STPG2: variants seen among roughly 807,000 people sequenced by gnomAD.
STPG2 encodes sperm tail PG-rich repeat containing 2, also known as sperm-tail PG-rich repeat-containing protein 2.
A neutral mutation model predicts 54.2 loss-of-function variants in STPG2; 56 were observed. The observed-to-expected ratio is 1.03, with a 90% CI of 0.83 to 1.29. The LOEUF is 1.29. STPG2 is among the 50% of genes most tolerant of loss of function. STPG2 has a pLI of 0.00. For missense variants in STPG2, 596 were observed against 544.9 expected (o/e 1.09, Z -0.93); for synonymous variants, 200 against 181.8 (o/e 1.10, Z -0.81).
At chr4:97,654,983 T>C (rs1418984084) in intron 10 of STPG2, among the ~76,000 whole-genome samples, 1 of 152,058 alleles carries the variant, frequency 6.6e-6, no homozygotes, top group Non-Finnish European at 1.5e-5. Context: ...GGCTAAAAAA[T>C]ACATTTTTAG....
chr4:98,091,016 C>T (rs1308832264), intron 5 of STPG2, among the ~76,000 whole-genome samples: 1 of 151,428 alleles, frequency 6.6e-6, no homozygotes, highest in Non-Finnish European at 1.5e-5. Context: ...CTTCTTATAT[C>T]CTCTCTGTCC....
At chr4:97,952,826 A>T (rs1458797639) in intron 7 of STPG2, among the ~76,000 whole-genome samples, 1 of 152,204 alleles carries the variant, frequency 6.6e-6, no homozygotes, top group African/African-American at 2.4e-5. Flanking sequence ...AGAATGATAC[A>T]GACAATAGTG....
At chr4:97,797,024 T>C (rs566780505) in intron 9 of STPG2, among the ~76,000 whole-genome samples, 1 of 152,336 alleles carries the variant, frequency 6.6e-6, no homozygotes, top group African/African-American at 2.4e-5. Context: ...TTGTGATTTT[T>C]GCACATTGAT....
intron 8 of STPG2, among the ~76,000 whole-genome samples, chr4:97,850,275 GA>G (rs1307570904): frequency 1.8e-5 from 1 of 54,882 alleles, no homozygotes; most frequent in African/African-American, 7.5e-5. Flanking sequence ...CTGTGGTGGG[GA>G]GGGGGGAGGG....
chr4:97,560,989 T>C (rs1459875744), intron 10 of STPG2, among the ~76,000 whole-genome samples: 2 of 152,188 alleles, frequency 1.3e-5, no homozygotes, highest in Non-Finnish European at 2.9e-5. Flanking sequence ...CCGGGTCAAA[T>C]GGTATTTCTA....
intron 10 of STPG2, among the ~76,000 whole-genome samples, chr4:97,654,186 T>C (rs1390999582): frequency 1.3e-5 from 2 of 152,236 alleles, no homozygotes; most frequent in South Asian, 2.1e-4. Context: ...ATCTACAGCA[T>C]TGGCTACATG....
chr4:97,871,799 G>A (rs570819080), intron 8 of STPG2, among the ~76,000 whole-genome samples: 1 of 150,840 alleles, frequency 6.6e-6, no homozygotes, highest in South Asian at 2.1e-4. Flanking sequence ...TTTCATAAAG[G>A]AAATATAATA....
At chr4:97,483,558 C>G (rs1216524919) in intron 4 of STPG2, among the ~76,000 whole-genome samples, 1 of 151,590 alleles carries the variant, frequency 6.6e-6, no homozygotes, top group Non-Finnish European at 1.5e-5. Flanking sequence ...TAAACTGGAG[C>G]TCCCAAATTT....
At chr4:97,641,694 GA>G (rs879709294) in intron 10 of STPG2, among the ~76,000 whole-genome samples, 5 of 147,548 alleles carry the variant, frequency 3.4e-5, no homozygotes, top group Admixed American at 6.7e-5. Flanking sequence ...GGAAAAAAAT[GA>G]AAAAAAAATT....
intron 4 of STPG2, among the ~76,000 whole-genome samples, chr4:97,500,333 C>T (rs1055160465): frequency 2.0e-5 from 3 of 151,836 alleles, no homozygotes; most frequent in African/African-American, 7.3e-5. Flanking sequence ...AAAATGTAGC[C>T]ATTAATTGAG....
intron 9 of STPG2, among the ~76,000 whole-genome samples, chr4:97,775,263 G>A (rs970408229): frequency 1.3e-5 from 2 of 152,118 alleles, no homozygotes; most frequent in African/African-American, 4.8e-5. Context: ...GGATGAAGGT[G>A]AAGAGAATAG....
intron 5 of STPG2, among the ~76,000 whole-genome samples, chr4:98,068,067 A>C (rs1737888369): frequency 6.6e-6 from 1 of 152,090 alleles, no homozygotes; most frequent in African/African-American, 2.4e-5. Flanking sequence ...GTAATTCATA[A>C]TCTTTTGTAT....
chr4:97,493,720 G>T (rs1049026494), intron 4 of STPG2, among the ~76,000 whole-genome samples: 1 of 151,416 alleles, frequency 6.6e-6, no homozygotes, highest in Non-Finnish European at 1.5e-5. Context: ...CATAAGAAAC[G>T]AGATGTACTA....
intron 9 of STPG2, among the ~76,000 whole-genome samples, chr4:97,770,318 T>C (rs1726180027): frequency 1.3e-5 from 2 of 152,172 alleles, no homozygotes; most frequent in African/African-American, 2.4e-5. Context: ...AAGGCTTCAC[T>C]GTAAGCTGAG....
At chr4:97,553,174 C>T (rs1438436221) in intron 4 of STPG2, among the ~76,000 whole-genome samples, 2 of 152,116 alleles carry the variant, frequency 1.3e-5, no homozygotes, top group Non-Finnish European at 2.9e-5. Flanking sequence ...TAGCAAGGAT[C>T]TGGGAGATAA....
intron 8 of STPG2, among the ~76,000 whole-genome samples, chr4:97,848,510 T>A (rs370687582): frequency 3.0e-4 from 45 of 150,488 alleles, no homozygotes; most frequent in African/African-American, 3.3e-4. Context: ...TATCATCAAG[T>A]ATTTATAGGT....
downstream of STPG2, among the ~76,000 whole-genome samples, chr4:97,554,865 A>T (rs1732043187): frequency 6.6e-6 from 1 of 152,142 alleles, no homozygotes; most frequent in African/African-American, 2.4e-5. Context: ...AGAATATGCC[A>T]CCCTAAAGTA....
At chr4:98,088,874 A>C (rs901371178) in intron 5 of STPG2, among the ~76,000 whole-genome samples, 8 of 152,126 alleles carry the variant, frequency 5.3e-5, no homozygotes, top group African/African-American at 1.9e-4. Flanking sequence ...AACTTAGTCC[A>C]GTGCTTTGCT....
intron 10 of STPG2, among the ~76,000 whole-genome samples, chr4:97,692,423 C>T (rs890497129): frequency 2.6e-5 from 4 of 151,284 alleles, no homozygotes; most frequent in Admixed American, 6.6e-5. Flanking sequence ...GCAATAGAAT[C>T]GAACAAGAAA....
Sources: gnomAD v4.1 joint callset for allele counts (sites outside exome capture counted in the v4.1 genomes callset) on GRCh38, gnomAD v4.1.1 for gene constraint, MANE v1.5 for transcripts, NCBI Gene and HGNC (gene_info 2026-07-23, HGNC 2026-07-21) for gene names.